Variants in IMMP2L observed in about 807,000 individuals in gnomAD.
The protein encoded by IMMP2L is mitochondrial inner membrane protease subunit 2.
In IMMP2L, 18 loss-of-function variants were observed where a neutral mutation model predicts 19.3. The ratio of observed to expected loss-of-function variants is 0.93; its 90% CI spans 0.64 to 1.38. IMMP2L has a LOEUF of 1.38. IMMP2L is among the 40% of genes most tolerant of loss of function. IMMP2L has a pLI of 0.00. For missense variants in IMMP2L, 233 were observed against 218.2 expected, an observed-to-expected ratio of 1.07 and a Z score of -0.43; for synonymous variants, 76 against 73.0, an observed-to-expected ratio of 1.04 and a Z score of -0.21.
intron 3 of IMMP2L, among the ~76,000 whole-genome samples, chr7:111,174,796 T>C (rs962050511): frequency 6.6e-6 from 1 of 151,758 alleles, no homozygotes; most frequent in Non-Finnish European, 1.5e-5. Context: ...AATCAATACT[T>C]GTGCAGTAAA....
chr7:111,387,975 T>TAAAAAAAAAAAAAAAAAAAAAAAA (rs750267136), intron 3 of IMMP2L, among the ~76,000 whole-genome samples: 3 of 93,412 alleles, frequency 3.2e-5, no homozygotes, highest in African/African-American at 1.4e-4. Context: ...ACTCTGTCTT[T>TAAAAAAAAAAAAAAAAAAAAAAAA]AAAAAAAAAA....
In IMMP2L at chr7:110,663,680, C is replaced by T. The variant is rs762664803; in HGVS notation, c.450G>A (p.Leu150=). The T allele has an allele frequency of 1.9e-5, 30 of 1,609,332 alleles. 1 individual carries two copies. In the South Asian group the frequency reaches 3.0e-4, roughly 16 times the overall value. Residue 150 remains leucine, a synonymous_variant, in exon 6 of 6, where the codon CTG becomes CTA. Transcript: ENST00000405709. ...GLLHAHATHI[L]WPPERWQKLE... ...ATTTCTGCCAGCGCTCTGGGGGCCA[C>T]AGGATATGTGTGGCATGGGCATGCA... is the stretch of plus-strand genomic sequence containing the variant.
At position 111,123,759 on chromosome 7, in the gene IMMP2L, A is replaced by G. The variant is rs997206365; in HGVS notation, c.240-160194T>C. The G allele has an allele frequency of 1.2e-6, 2 of 1,613,724 alleles. No individual in the cohort carries two copies. The highest frequency in any genetic ancestry group is 1.3e-5 in the African/African-American group (1 of 74,864). On this transcript the variant is annotated intron_variant, in intron 3 of 5. Coordinates refer to ENST00000405709, the MANE Select transcript of IMMP2L (RefSeq NM_032549.4). This position sits in a 1 kb window ranked among gnomAD's most constrained non-coding sequence, Gnocchi z 6.4. ...GATTGTCTTACATTCACCCCAATGC[A>G]TTTTTCAGACTCCCCAAGCTGGAAT...
intron 2 of IMMP2L, among the ~76,000 whole-genome samples, chr7:111,502,441 A>AT (rs1844385692): frequency 6.6e-6 from 1 of 152,142 alleles, no homozygotes; most frequent in Non-Finnish European, 1.5e-5. Flanking sequence ...GATATCCAGG[A>AT]ATTGAACTCA....
chr7:111,113,316 T>C (rs1320971419), intron 3 of IMMP2L, among the ~76,000 whole-genome samples: 2 of 152,202 alleles, frequency 1.3e-5, no homozygotes, highest in African/African-American at 4.8e-5. Flanking sequence ...TTACAGCATA[T>C]CTATGCTTCA....
intron 1 of IMMP2L, among the ~76,000 whole-genome samples, chr7:111,551,169 G>A (rs1238684940): frequency 1.3e-5 from 2 of 152,124 alleles, no homozygotes; most frequent in Non-Finnish European, 2.9e-5. Flanking sequence ...CAAGCAAGAT[G>A]ATTTTTCAAA....
intron 2 of IMMP2L, among the ~76,000 whole-genome samples, chr7:111,505,853 G>A (rs964101826): frequency 6.6e-6 from 1 of 152,076 alleles, no homozygotes; most frequent in Non-Finnish European, 1.5e-5. Context: ...ATAGCATTAG[G>A]AGATATATGT....
intron 5 of IMMP2L, among the ~76,000 whole-genome samples, chr7:110,845,839 G>A (rs1195610319): frequency 1.3e-5 from 2 of 152,094 alleles, no homozygotes; most frequent in East Asian, 1.9e-4. Context: ...CCTCATGAAC[G>A]AGACTAGTGC....
chr7:111,327,869 A>C (rs991905183), intron 3 of IMMP2L, among the ~76,000 whole-genome samples: 1 of 151,648 alleles, frequency 6.6e-6, no homozygotes, highest in Non-Finnish European at 1.5e-5. Flanking sequence ...CTATGTGTCA[A>C]AAGGCTCCTG....
intron 3 of IMMP2L, among the ~76,000 whole-genome samples, chr7:111,094,336 A>C (rs1218178630): frequency 6.6e-6 from 1 of 152,136 alleles, no homozygotes; most frequent in African/African-American, 2.4e-5. Flanking sequence ...AATCTGAAGG[A>C]GATCATTAAA....
chr7:111,207,544 T>G (rs1232238548), intron 3 of IMMP2L, among the ~76,000 whole-genome samples: 2 of 143,070 alleles, frequency 1.4e-5, no homozygotes, highest in African/African-American at 2.6e-5. Context: ...GTTTTTTTTT[T>G]TTTTTTTTTT....
intron 4 of IMMP2L, among the ~76,000 whole-genome samples, chr7:110,938,754 C>T (rs1816388377): frequency 6.6e-6 from 1 of 151,958 alleles, no homozygotes; most frequent in South Asian, 2.1e-4. Flanking sequence ...AAAATAGTTG[C>T]TCTTTTTTTA....
rs572999341 is a variant in IMMP2L at position 111,419,248 on chromosome 7, C to T, written c.239+67990G>A. Among the ~76,000 whole-genome samples the T allele has an allele frequency of 1.1e-3, 160 of 151,798 alleles. 2 individuals carry two copies. Among genetic ancestry groups the T allele is most frequent in the Middle Eastern group, 3.4e-3 (1 of 294 alleles). Reference sequence around the variant, plus strand: ...TAAAAATGGGAAGTTTTATTAAATACATTAAAGAACTGAATTTAGACTTGG... The same window carrying T: ...TAAAAATGGGAAGTTTTATTAAATATATTAAAGAACTGAATTTAGACTTGG... On this transcript the variant is annotated intron_variant, in intron 3 of 5. Coordinates refer to ENST00000405709, the MANE Select transcript of IMMP2L (RefSeq NM_032549.4).
At chr7:111,180,306 C>T (rs572100593) in intron 3 of IMMP2L, among the ~76,000 whole-genome samples, 1 of 152,048 alleles carries the variant, frequency 6.6e-6, no homozygotes, top group South Asian at 2.1e-4. Context: ...ACTTAGAGGC[C>T]ATTGTAGGGT....
chr7:111,072,009 A>AG (rs1467692213), intron 3 of IMMP2L, among the ~76,000 whole-genome samples: 4 of 152,204 alleles, frequency 2.6e-5, no homozygotes, highest in African/African-American at 9.7e-5. Context: ...AAATGTTAAA[A>AG]GGAAATATTA....
At chr7:111,253,326 CA>C (rs1251219427) in intron 3 of IMMP2L, among the ~76,000 whole-genome samples, 1 of 152,042 alleles carries the variant, frequency 6.6e-6, no homozygotes, top group Admixed American at 6.6e-5. Context: ...TACAGCAGAG[CA>C]AAAGACAGTA....
chr7:111,512,659 T>C (rs1845555353), intron 2 of IMMP2L, among the ~76,000 whole-genome samples: 1 of 152,040 alleles, frequency 6.6e-6, no homozygotes, highest in Non-Finnish European at 1.5e-5. Flanking sequence ...CAAACAATCT[T>C]AAGCAAGAAG....
chr7:110,775,835 A>G (rs1799348067), intron 5 of IMMP2L, among the ~76,000 whole-genome samples: 1 of 151,978 alleles, frequency 6.6e-6, no homozygotes, highest in African/African-American at 2.4e-5. Flanking sequence ...TTGTTCTTAA[A>G]CAGGAAGCTG....
chr7:111,202,386 T>C (rs1810241407), intron 3 of IMMP2L, among the ~76,000 whole-genome samples: 1 of 152,198 alleles, frequency 6.6e-6, no homozygotes. Context: ...ACTCACGCAC[T>C]CATAGCTTCC....
Sources: allele counts gnomAD v4.1 joint callset (sites outside exome capture counted in the v4.1 genomes callset), GRCh38; gene constraint gnomAD v4.1.1; non-coding constraint Gnocchi (gnomAD v3.1); transcripts MANE v1.5; gene names NCBI Gene and HGNC (gene_info 2026-07-23, HGNC 2026-07-21).